Variants in OR2L13 observed in about 807,000 individuals in gnomAD.
The protein encoded by OR2L13 is olfactory receptor 2L13.
A neutral mutation model predicts 15.3 loss-of-function variants in OR2L13; 14 were observed. That is an observed-to-expected ratio of 0.91 (90% CI 0.60 to 1.43). OR2L13 has a LOEUF of 1.43. Among genes scored for constraint, OR2L13 ranks in the 40% most tolerant of loss-of-function variants. OR2L13 has a pLI of 0.00. For missense variants in OR2L13, 367 were observed against 387.9 expected (o/e 0.95, Z 0.45); for synonymous variants, 152 against 142.9 (o/e 1.06, Z -0.45).
the OR2L13 span, chr1:248,083,500 A>C: frequency 6.9e-6 from 5 of 728,718 alleles, no homozygotes; most frequent in African/African-American, 8.9e-5. Flanking sequence ...CAATTAGCTC[A>C]CTTCATTCTT....
the OR2L13 span, among the ~76,000 whole-genome samples, chr1:247,978,209 C>G: frequency 9.2e-5 from 14 of 152,078 alleles, no homozygotes; most frequent in Non-Finnish European, 2.1e-4. Flanking sequence ...TCAGTGAGAC[C>G]ACGAACCCAC....
chr1:247,976,708 G>T, the OR2L13 span, among the ~76,000 whole-genome samples: 1 of 152,068 alleles, frequency 6.6e-6, no homozygotes, highest in East Asian at 1.9e-4. Context: ...ATATTTTGAT[G>T]ATGTCATTTT....
At chr1:248,055,508 C>A in the OR2L13 span, among the ~76,000 whole-genome samples, 41 of 152,134 alleles carry the variant, frequency 2.7e-4, no homozygotes, top group Non-Finnish European at 6.0e-4. Flanking sequence ...GTAATCCCAG[C>A]ACTCTGGAAG....
chr1:248,027,947 T>A, the OR2L13 span, among the ~76,000 whole-genome samples: 1 of 151,820 alleles, frequency 6.6e-6, no homozygotes, highest in Non-Finnish European at 1.5e-5. Flanking sequence ...AAGACCATCC[T>A]GGCTAACACA....
At chr1:247,973,120 T>C in the OR2L13 span, among the ~76,000 whole-genome samples, 1 of 152,058 alleles carries the variant, frequency 6.6e-6, no homozygotes, top group Non-Finnish European at 1.5e-5. Context: ...ATTGATGAAA[T>C]ATGTCTCAAA....
chr1:248,096,188 C>A (rs541009016), upstream of OR2L13, among the ~76,000 whole-genome samples: 28 of 151,904 alleles, frequency 1.8e-4, no homozygotes, highest in African/African-American at 6.7e-4. Flanking sequence ...ACCATCCTGG[C>A]TAACACAGTG....
the OR2L13 span, among the ~76,000 whole-genome samples, chr1:247,980,125 T>G: frequency 2.0e-5 from 3 of 152,112 alleles, no homozygotes; most frequent in Admixed American, 6.6e-5. Context: ...AAAATTTGAG[T>G]ACATTTAAGA....
the OR2L13 span, among the ~76,000 whole-genome samples, chr1:248,014,724 T>TA: frequency 7.2e-5 from 11 of 152,248 alleles, no homozygotes; most frequent in Admixed American, 3.3e-4. Context: ...TCTTCAATGA[T>TA]ACACCCAGTC....
the OR2L13 span, among the ~76,000 whole-genome samples, chr1:248,083,283 G>A: frequency 6.6e-6 from 1 of 152,128 alleles, no homozygotes; most frequent in African/African-American, 2.4e-5. Context: ...TATGGTACAA[G>A]CTCTGGAGTC....
chr1:248,071,507 C>T, the OR2L13 span, among the ~76,000 whole-genome samples: 1 of 152,068 alleles, frequency 6.6e-6, no homozygotes, highest in Non-Finnish European at 1.5e-5. Flanking sequence ...ATGACAAACC[C>T]ACAGCCAATA....
chr1:248,027,006 C>G, the OR2L13 span, among the ~76,000 whole-genome samples: 1 of 152,184 alleles, frequency 6.6e-6, no homozygotes, highest in African/African-American at 2.4e-5. Context: ...TAAACTCTGG[C>G]TGCCTGTGAG....
At chr1:247,949,397 C>T in the OR2L13 span, 4 of 1,614,112 alleles carry the variant, frequency 2.5e-6, no homozygotes, top group Middle Eastern at 6.6e-4. Context: ...TCTGTGATGT[C>T]CCAGCAATGG....
exon 3 of OR2L13, chr1:248,100,575 A>G (rs548647759): frequency 1.2e-4 from 23 of 195,234 alleles, no homozygotes; most frequent in Admixed American, 8.3e-4. Flanking sequence ...TTGTACATAT[A>G]TTACTATTAA....
upstream of OR2L13, chr1:248,097,209 T>G (rs1664759023): frequency 6.6e-6 from 1 of 152,240 alleles, no homozygotes; most frequent in South Asian, 2.1e-4. Context: ...GTTTCTGGGC[T>G]GCAGCCCTCA....
chr1:247,969,600 A>C, the OR2L13 span, among the ~76,000 whole-genome samples: 1 of 152,218 alleles, frequency 6.6e-6, no homozygotes, highest in Admixed American at 6.5e-5. Flanking sequence ...CAAATTAGTC[A>C]TATCCTGATG....
the OR2L13 span, chr1:247,991,347 T>C: frequency 1.7e-6 from 1 of 595,062 alleles, no homozygotes; most frequent in Non-Finnish European, 2.8e-6. Flanking sequence ...TAGTCTGGCA[T>C]TTCAATTGCA....
At chr1:247,949,249 A>G in the OR2L13 span, 44 of 1,614,062 alleles carry the variant, frequency 2.7e-5, no homozygotes, top group African/African-American at 1.1e-4. Flanking sequence ...CCTCTCCACT[A>G]TCTCATCCGC....
chr1:247,976,585 A>T, the OR2L13 span, among the ~76,000 whole-genome samples: 2 of 152,204 alleles, frequency 1.3e-5, no homozygotes, highest in African/African-American at 4.8e-5. Flanking sequence ...TGGATGTCAA[A>T]CATCATGTTG....
At chr1:248,071,395 A>G in the OR2L13 span, among the ~76,000 whole-genome samples, 3 of 152,180 alleles carry the variant, frequency 2.0e-5, no homozygotes, top group African/African-American at 7.2e-5. Flanking sequence ...ATCTCAATAG[A>G]TGCAGAAAAG....
Sources: allele counts gnomAD v4.1 joint callset (sites outside exome capture counted in the v4.1 genomes callset), GRCh38; gene constraint gnomAD v4.1.1; transcripts MANE v1.5; gene names NCBI Gene and HGNC (gene_info 2026-07-23, HGNC 2026-07-21).